Variants in CCDC91 observed in about 807,000 individuals in gnomAD.
The protein encoded by CCDC91 is coiled-coil domain containing 91.
Under a neutral mutation model 63.2 loss-of-function variants are expected in CCDC91, and 48 were observed. That is an observed-to-expected ratio of 0.76 (90% CI 0.60 to 0.97). The LOEUF (loss-of-function observed/expected upper bound fraction) is 0.97. Among genes scored for constraint, CCDC91 ranks in the 50% least tolerant of loss-of-function variants. CCDC91 has a pLI of 0.00. For synonymous variants in CCDC91, 167 were observed against 165.8 expected (o/e 1.01, Z -0.06); for missense variants, 500 against 494.6 (o/e 1.01, Z -0.10).
intron 7 of CCDC91, among the ~76,000 whole-genome samples, chr12:28,383,284 A>G (rs191654020): frequency 2.1e-4 from 32 of 152,254 alleles, no homozygotes; most frequent in Non-Finnish European, 4.0e-4. Flanking sequence ...TGAATTGTGT[A>G]GTACTACTGC....
intron 11 of CCDC91, among the ~76,000 whole-genome samples, chr12:28,464,056 A>G (rs905501785): frequency 3.9e-5 from 6 of 152,102 alleles, no homozygotes; most frequent in Non-Finnish European, 7.4e-5. Context: ...AGCAATTGGG[A>G]GGCATTGATT....
intron 1 of CCDC91, among the ~76,000 whole-genome samples, chr12:28,204,210 T>G (rs1942677055): frequency 6.6e-6 from 1 of 152,152 alleles, no homozygotes; most frequent in African/African-American, 2.4e-5. Flanking sequence ...GGTAAGAACA[T>G]GGGGTTAAAA....
chr12:28,289,972 G>C (rs750351271), intron 3 of CCDC91, among the ~76,000 whole-genome samples: 1 of 152,096 alleles, frequency 6.6e-6, no homozygotes. Flanking sequence ...GAATACAGGC[G>C]TGAGCCACCA....
intron 12 of CCDC91, among the ~76,000 whole-genome samples, chr12:28,493,333 T>C (rs1444268184): frequency 1.3e-5 from 2 of 151,766 alleles, no homozygotes; most frequent in African/African-American, 4.8e-5. Flanking sequence ...TTATTTTTCA[T>C]ATAATATTCT....
At chr12:28,370,509 G>C (rs1944549917) in intron 7 of CCDC91, among the ~76,000 whole-genome samples, 1 of 152,182 alleles carries the variant, frequency 6.6e-6, no homozygotes, top group Admixed American at 6.5e-5. Flanking sequence ...CAAGTCTCCA[G>C]GAAGTTACAA....
chr12:28,420,024 TG>T (rs1947908633), intron 8 of CCDC91, among the ~76,000 whole-genome samples: 1 of 152,148 alleles, frequency 6.6e-6, no homozygotes, highest in Admixed American at 6.6e-5. Context: ...TCCAAAGTGC[TG>T]GGATTAAAGG....
At chr12:28,345,537 G>A (rs940670900) in intron 6 of CCDC91, among the ~76,000 whole-genome samples, 3 of 151,958 alleles carry the variant, frequency 2.0e-5, no homozygotes, top group African/African-American at 7.2e-5. Context: ...TTACTGCAGT[G>A]TAAGCTCTAA....
In CCDC91 at chr12:28,549,203, G is replaced by A. The variant is rs778691984; in HGVS notation, c.*30G>A. The stretch of plus-strand genomic sequence containing the variant: ...AACATGACAAACCCACACTGGCATT[G>A]GATAAATCATATTACACCTTCAAAA... On this transcript the variant is annotated 3_prime_UTR_variant, in exon 13 of 13. Coordinates refer to ENST00000536442, the MANE Select transcript of CCDC91 (RefSeq NM_018318.5). The A allele has an allele frequency of 4.2e-6, 5 of 1,196,428 alleles. No individual in the cohort carries two copies. In the South Asian group the frequency reaches 6.1e-5, roughly 15 times the overall value. The allele number at this position is 1,196,428 out of a possible 1,614,324, so 74.1% of individuals were successfully genotyped here. A position where few individuals can be genotyped will look rare whatever the true frequency, so the allele number is the denominator to read the frequency against.
At chr12:28,258,589 T>A (rs1946609657) in intron 2 of CCDC91, among the ~76,000 whole-genome samples, 1 of 152,022 alleles carries the variant, frequency 6.6e-6, no homozygotes, top group Admixed American at 6.6e-5. Context: ...TCTCTACCCT[T>A]GGTTATATAA....
At position 28,453,656 on chromosome 12, in the gene CCDC91, C is replaced by T. The variant is rs543344479; in HGVS notation, c.1101+1002C>T. Among the ~76,000 whole-genome samples the T allele has an allele frequency of 2.2e-4, 34 of 151,120 alleles. 1 individual carries two copies. In the South Asian group the frequency reaches 4.4e-3, roughly 20 times the overall value. ...CAGTAGCAGATCTTTTTTTTTCTTG[C>T]GTTTTTTCACTAAAGCAATATTACC... On this transcript the variant is annotated intron_variant, in intron 11 of 12. Transcript: ENST00000536442.
At chr12:28,319,043 A>C (rs531545920) in intron 6 of CCDC91, among the ~76,000 whole-genome samples, 1 of 152,106 alleles carries the variant, frequency 6.6e-6, no homozygotes, top group South Asian at 2.1e-4. Context: ...GGTGTGATGA[A>C]ATATGCATCT....
chr12:28,416,394 A>G (rs1378726095), intron 8 of CCDC91, among the ~76,000 whole-genome samples: 1 of 152,088 alleles, frequency 6.6e-6, no homozygotes, highest in African/African-American at 2.4e-5. Flanking sequence ...AAAAAAAACT[A>G]TTCTGACACT....
chr12:28,528,022 C>T (rs144317864), intron 12 of CCDC91, among the ~76,000 whole-genome samples: 1 of 152,320 alleles, frequency 6.6e-6, no homozygotes, highest in East Asian at 1.9e-4. Context: ...CCATGTTACC[C>T]ACCTCCCAGC....
rs1432056873 is a variant in CCDC91, at chr12:28,359,203, A to G, written c.577-3235A>G. 2.0e-5 allele frequency among the ~76,000 whole-genome samples: 3 copies of G among 152,196 alleles called. No homozygotes were observed. In the East Asian group the frequency reaches 5.8e-4, roughly 29 times the overall value. On this transcript the variant is annotated intron_variant, in intron 6 of 12. Coordinates refer to ENST00000536442, the MANE Select transcript of CCDC91 (RefSeq NM_018318.5). Reference sequence around the variant, plus strand: ...GCCACAGCACCCAGCCTACACACCAATACTTTTTAATAACTAATGTCATTA... The same window carrying G: ...GCCACAGCACCCAGCCTACACACCAGTACTTTTTAATAACTAATGTCATTA...
chr12:28,363,674 G>A (rs959863564), intron 7 of CCDC91, among the ~76,000 whole-genome samples: 12 of 151,978 alleles, frequency 7.9e-5, no homozygotes, highest in African/African-American at 2.7e-4. Context: ...ACAGGAGATC[G>A]AGACCATCCT....
intron 8 of CCDC91, among the ~76,000 whole-genome samples, chr12:28,404,936 A>G (rs1299103173): frequency 2.0e-5 from 3 of 151,868 alleles, no homozygotes; most frequent in African/African-American, 4.8e-5. Flanking sequence ...TTTTTGCTCT[A>G]TTATATTTCT....
At chr12:28,318,497 C>T (rs1940146091) in intron 6 of CCDC91, among the ~76,000 whole-genome samples, 1 of 151,900 alleles carries the variant, frequency 6.6e-6, no homozygotes, top group African/African-American at 2.4e-5. Flanking sequence ...GCTATGATTG[C>T]ACCACTGTAC....
intron 12 of CCDC91, among the ~76,000 whole-genome samples, chr12:28,488,249 C>T (rs1951824247): frequency 6.6e-6 from 1 of 151,758 alleles, no homozygotes; most frequent in Non-Finnish European, 1.5e-5. Context: ...TAGTATTCGT[C>T]TGGTCTAAAC....
At chr12:28,280,696 C>T (rs563792112) in intron 3 of CCDC91, among the ~76,000 whole-genome samples, 9 of 151,752 alleles carry the variant, frequency 5.9e-5, no homozygotes, top group Non-Finnish European at 1.2e-4. Flanking sequence ...ATATACTGTG[C>T]AGCCTGATGC....
Sources: allele counts gnomAD v4.1 joint callset (sites outside exome capture counted in the v4.1 genomes callset), GRCh38; gene constraint gnomAD v4.1.1; transcripts MANE v1.5; gene names NCBI Gene and HGNC (gene_info 2026-07-23, HGNC 2026-07-21).